The following SDK1 variants were observed in gnomAD, a reference collection of about 807,000 sequenced individuals.
The protein encoded by SDK1 is protein sidekick-1.
SDK1 carries 157 observed loss-of-function variants against 245.5 expected under a neutral mutation model. That is an observed-to-expected ratio of 0.64 (90% confidence interval 0.56 to 0.73). The LOEUF (loss-of-function observed/expected upper bound fraction) is 0.73, where lower values mean the gene tolerates loss of function less well. SDK1 is among the 30% of genes least tolerant of loss of function. The pLI is 0.00. For missense variants in SDK1, 3,583 were observed against 3,002.3 expected (o/e 1.19, Z -4.52); for synonymous variants, 1,647 against 1,278.5 (o/e 1.29, Z -6.15).
intron 19 of SDK1, among the ~76,000 whole-genome samples, chr7:4,060,167 C>A (rs146809648): frequency 3.3e-5 from 5 of 152,304 alleles, no homozygotes; most frequent in Middle Eastern, 3.4e-3. Context: ...AGGCGTGAGC[C>A]ACCACGCCCG....
Position 3,366,090 on chromosome 7 carries a change from C to T in SDK1, c.298+64206C>T, listed in dbSNP as rs569728243. ...TATTTTTTCTGTGTAGATATTTTAC[C>T]GATTCGATGTTAATAGTGGTTTATT... On this transcript the variant is annotated intron_variant, in intron 1 of 44. Coordinates refer to ENST00000404826, the MANE Select transcript of SDK1 (RefSeq NM_152744.4). 6.6e-5 allele frequency among the ~76,000 whole-genome samples: 10 copies of T among 150,450 alleles called. No homozygotes were observed. The South Asian group carries it at 8.4e-4, about 13-fold the overall frequency.
chr7:3,974,705 G>A, intron 13 of SDK1, 160 bp downstream of exon 13: 1 of 595,734 alleles, frequency 1.7e-6, no homozygotes, highest in East Asian at 3.0e-5. Flanking sequence ...TATGGACAAG[G>A]TTTTTTTGTG....
chr7:4,040,022 C>T (rs1202475210), intron 17 of SDK1, among the ~76,000 whole-genome samples: 1 of 152,192 alleles, frequency 6.6e-6, no homozygotes, highest in African/African-American at 2.4e-5. Flanking sequence ...TTGTCTGTCC[C>T]TGCATGAGAG....
At chr7:3,605,524 G>A (rs10225865) in intron 1 of SDK1, among the ~76,000 whole-genome samples, 79,534 of 151,980 alleles carry the variant, frequency 0.52, 21,078 homozygotes, top group South Asian at 0.75. Context: ...AGAACAGCTT[G>A]ATGGTTTAAA....
chr7:3,555,095 T>A, intron 1 of SDK1, among the ~76,000 whole-genome samples: 1 of 152,188 alleles, frequency 6.6e-6, no homozygotes, highest in East Asian at 1.9e-4. Flanking sequence ...AAAATTTAAA[T>A]GGAACCACAA....
chr7:4,218,554 T>C (rs1188237668), intron 38 of SDK1, among the ~76,000 whole-genome samples: 1 of 152,360 alleles, frequency 6.6e-6, no homozygotes, highest in Non-Finnish European at 1.5e-5. Flanking sequence ...CTTTGAAAGA[T>C]GGACCCGTTT....
chr7:3,447,754 G>T (rs1446092066), intron 1 of SDK1, among the ~76,000 whole-genome samples: 3 of 147,234 alleles, frequency 2.0e-5, no homozygotes, highest in Admixed American at 6.8e-5. Flanking sequence ...GCCCAGGCTG[G>T]AGTGCAATGG....
chr7:3,861,695 A>G (rs10246449), intron 5 of SDK1, among the ~76,000 whole-genome samples: 50,988 of 151,992 alleles, frequency 0.34, 13,064 homozygotes, highest in African/African-American at 0.72. Flanking sequence ...GTAATTCACC[A>G]AGATTGATTT....
intron 13 of SDK1, 93 bp downstream of exon 13, chr7:3,974,638 G>A (rs1782761725): frequency 1.8e-5 from 22 of 1,247,406 alleles, no homozygotes; most frequent in Non-Finnish European, 1.9e-5. Context: ...TGTCACGCCC[G>A]GCTTGTGTCC....
chr7:3,516,478 A>T (rs1466938221), intron 1 of SDK1, among the ~76,000 whole-genome samples: 4 of 152,110 alleles, frequency 2.6e-5, no homozygotes, highest in Admixed American at 2.6e-4. Context: ...TGTTCTACTT[A>T]AAGAGCTATT....
intron 2 of SDK1, among the ~76,000 whole-genome samples, chr7:3,624,783 C>G (rs1782062711): frequency 6.6e-6 from 1 of 152,056 alleles, no homozygotes; most frequent in East Asian, 1.9e-4. Flanking sequence ...TGGTGGCTCA[C>G]ACCTGTAATC....
intron 5 of SDK1, among the ~76,000 whole-genome samples, chr7:3,822,050 A>G (rs1454905785): frequency 6.6e-6 from 1 of 152,206 alleles, no homozygotes; most frequent in African/African-American, 2.4e-5. Flanking sequence ...TTTTCCACCT[A>G]ATTTAACTGA....
intron 4 of SDK1, among the ~76,000 whole-genome samples, chr7:3,731,072 C>T (rs187317240): frequency 6.6e-6 from 1 of 152,240 alleles, no homozygotes; most frequent in Admixed American, 6.5e-5. Flanking sequence ...CAAAGAATAA[C>T]TTTTTGTGAT....
chr7:3,342,587 T>C (rs1474655950), intron 1 of SDK1, among the ~76,000 whole-genome samples: 1 of 149,628 alleles, frequency 6.7e-6, no homozygotes. Flanking sequence ...AAACTCCATC[T>C]CAAAAAAAAG....
chr7:3,525,075 A>G (rs932569022), intron 1 of SDK1, among the ~76,000 whole-genome samples: 5 of 152,188 alleles, frequency 3.3e-5, no homozygotes, highest in Middle Eastern at 3.2e-3. Context: ...TTTACACTGT[A>G]TTAGGTACTA....
At chr7:4,167,428 C>CAACA (rs1554250533) in intron 32 of SDK1, among the ~76,000 whole-genome samples, 2 of 151,754 alleles carry the variant, frequency 1.3e-5, no homozygotes, top group African/African-American at 2.4e-5. Flanking sequence ...ACAACAGCAA[C>CAACA]AAAAAAACGG....
chr7:3,486,018 T>C (rs574350933), intron 1 of SDK1, among the ~76,000 whole-genome samples: 166 of 152,158 alleles, frequency 1.1e-3, no homozygotes, highest in African/African-American at 3.8e-3. Flanking sequence ...TTATATAATA[T>C]TGGTTTTATC....
intron 24 of SDK1, among the ~76,000 whole-genome samples, 159 bp from the exon 25 acceptor site, chr7:4,113,878 A>G (rs1243102884): frequency 6.6e-6 from 1 of 152,244 alleles, no homozygotes; most frequent in Non-Finnish European, 1.5e-5. Flanking sequence ...TCACAGAACA[A>G]AAGTTTCAGG....
chr7:3,808,231 G>A (rs1426881291), intron 4 of SDK1, among the ~76,000 whole-genome samples: 2 of 152,320 alleles, frequency 1.3e-5, no homozygotes, highest in Admixed American at 6.5e-5. Flanking sequence ...GGAGGGCAGA[G>A]CAGAAGCTTT....
Sources: gnomAD v4.1 joint callset for allele counts (sites outside exome capture counted in the v4.1 genomes callset) on GRCh38, gnomAD v4.1.1 for gene constraint, MANE v1.5 for transcripts, NCBI Gene and HGNC (gene_info 2026-07-23, HGNC 2026-07-21) for gene names.